The following PRKN variants were observed in gnomAD, a reference collection of about 807,000 sequenced individuals.
PRKN encodes the protein E3 ubiquitin-protein ligase parkin.
PRKN carries 56 observed loss-of-function variants against 59.5 expected under a neutral mutation model. The ratio of observed to expected loss-of-function variants is 0.94; its 90% confidence interval spans 0.76 to 1.18. The LOEUF (loss-of-function observed/expected upper bound fraction) is 1.18. Among genes scored for constraint, PRKN ranks in the 50% most tolerant of loss-of-function variants. The pLI is 0.00. For missense variants in PRKN, 657 were observed against 596.4 expected (o/e 1.10, Z -1.06); for synonymous variants, 250 against 222.1 (o/e 1.13, Z -1.12).
In PRKN at chr6:161,560,370, G is replaced by A. The variant is rs115055400; in HGVS notation, c.933+8985C>T. On this transcript the variant is annotated intron_variant, in intron 8 of 11. Transcript: ENST00000366898. This position sits in a 1 kb window ranked among gnomAD's most constrained non-coding sequence, Gnocchi z 4.9. Reference sequence around the variant, plus strand: ...GGTTGTCCCTTGGCTCCTTAACGACGCCCCCAAATGCTTGGGTTCCTCTCC... The same window carrying A: ...GGTTGTCCCTTGGCTCCTTAACGACACCCCCAAATGCTTGGGTTCCTCTCC... Among the ~76,000 whole-genome samples the A allele has an allele frequency of 5.0e-3, 759 of 152,004 alleles. 5 individuals are homozygous for A. Among genetic ancestry groups the A allele is most frequent in the African/African-American group, 0.017 (697 of 41,444 alleles).
chr6:161,562,067 A>G lies in PRKN; in HGVS notation c.933+7288T>C, dbSNP rs572760275. ...CCGCCTTCTCAGCTTCCCCAACACC[A>G]TAAATCAGCATTCCTCCTCTGGAAG... On this transcript the variant is annotated intron_variant, in intron 8 of 11. Coordinates refer to ENST00000366898, the MANE Select transcript of PRKN (RefSeq NM_004562.3). The surrounding 1 kb of genome is among the most constrained non-coding windows in gnomAD (Gnocchi z 4.3). Among the ~76,000 whole-genome samples the G allele has an allele frequency of 6.7e-5, 10 of 149,880 alleles. No homozygotes were observed. In the East Asian group the frequency reaches 2.0e-3, roughly 30 times the overall value.
chr6:162,336,185 T>TG (rs1411396973), intron 2 of PRKN, among the ~76,000 whole-genome samples: 2 of 152,142 alleles, frequency 1.3e-5, no homozygotes, highest in African/African-American at 4.8e-5. Context: ...TCTAATCAGG[T>TG]GTTTTCATAA....
At chr6:162,221,489 A>G (rs1322325575) in intron 3 of PRKN, among the ~76,000 whole-genome samples, 1 of 152,190 alleles carries the variant, frequency 6.6e-6, no homozygotes. Context: ...TGCTTTATTC[A>G]GTAATTCATA....
intron 2 of PRKN, among the ~76,000 whole-genome samples, chr6:162,359,079 A>AATATATATATATATAT (rs1554304695): frequency 4.8e-4 from 40 of 83,208 alleles, no homozygotes; most frequent in African/African-American, 2.8e-3. Flanking sequence ...AAAAAAAAAA[A>AATATATATATATATAT]ATATATATAT....
At chr6:161,763,729 T>C (rs977354036) in intron 7 of PRKN, among the ~76,000 whole-genome samples, 4 of 151,992 alleles carry the variant, frequency 2.6e-5, no homozygotes, top group Admixed American at 1.3e-4. Flanking sequence ...ATTAAATTGA[T>C]TGAAAGTTAA....
rs1790115872 is a variant in PRKN, at chr6:161,459,607, T to G, written c.1084-72730A>C. Among the ~76,000 whole-genome samples, 1 of 152,158 alleles carries G rather than the reference T, an allele frequency of 6.6e-6. No individual in the cohort carries two copies. The highest frequency in any genetic ancestry group is 1.5e-5 in the Non-Finnish European group (1 of 68,018). On this transcript the variant is annotated intron_variant, in intron 9 of 11. Transcript: ENST00000366898. The surrounding 1 kb of genome is among the most constrained non-coding windows in gnomAD (Gnocchi z 4.8). ...TCCTGATGCCCCAGCTTCTCTGAGA[T>G]CCATCCTGCTGTCAGCCCTAGAACT... is the stretch of plus-strand genomic sequence containing the variant.
At chr6:161,742,490 T>A (rs1249689308) in intron 7 of PRKN, among the ~76,000 whole-genome samples, 1 of 152,196 alleles carries the variant, frequency 6.6e-6, no homozygotes, top group Admixed American at 6.5e-5. Flanking sequence ...TATTTGAGAA[T>A]CTTCATGACG....
At chr6:161,583,241 T>C (rs1583259039) in intron 7 of PRKN, among the ~76,000 whole-genome samples, 1 of 152,162 alleles carries the variant, frequency 6.6e-6, no homozygotes, top group Non-Finnish European at 1.5e-5. Flanking sequence ...TTTAAAACTT[T>C]CAGGAACAAT....
chr6:162,216,846 G>A lies in PRKN; in HGVS notation c.413-15594C>T, dbSNP rs1437366788. ...ATTTAAAAATGAAATCTTTCTTTTG[G>A]TTCTGTATTTGAAGTAAGGAAAATC... On this transcript the variant is annotated intron_variant, in intron 3 of 11. Coordinates refer to ENST00000366898, the MANE Select transcript of PRKN (RefSeq NM_004562.3). 2.6e-5 allele frequency among the ~76,000 whole-genome samples: 4 copies of A among 152,128 alleles called. No homozygotes were observed. In the East Asian group the frequency reaches 7.7e-4, roughly 29 times the overall value.
chr6:162,204,373 G>C (rs1008650163), intron 3 of PRKN, among the ~76,000 whole-genome samples: 1 of 152,140 alleles, frequency 6.6e-6, no homozygotes, highest in African/African-American at 2.4e-5. Context: ...AAAAATGAAA[G>C]GATGAAGCAC....
intron 6 of PRKN, among the ~76,000 whole-genome samples, chr6:161,831,411 G>T (rs940657535): frequency 6.6e-6 from 1 of 152,182 alleles, no homozygotes; most frequent in Non-Finnish European, 1.5e-5. Flanking sequence ...AAATCAACAC[G>T]AAGTGACAGA....
chr6:162,698,175 G>C (rs551992758), intron 1 of PRKN, among the ~76,000 whole-genome samples: 1 of 152,198 alleles, frequency 6.6e-6, no homozygotes, highest in Non-Finnish European at 1.5e-5. Context: ...AAAGGCATAC[G>C]TGTCCACTGG....
chr6:161,438,056 A>G (rs1467415186), intron 9 of PRKN, among the ~76,000 whole-genome samples: 3 of 152,082 alleles, frequency 2.0e-5, no homozygotes. Context: ...GGATGATGGT[A>G]TGTGGGTCCG....
intron 3 of PRKN, among the ~76,000 whole-genome samples, chr6:162,210,218 A>C (rs1785148554): frequency 6.6e-6 from 1 of 152,132 alleles, no homozygotes; most frequent in African/African-American, 2.4e-5. Flanking sequence ...GCTGGCCCTC[A>C]ATGCCTGTTC....
intron 2 of PRKN, among the ~76,000 whole-genome samples, chr6:162,391,150 A>C (rs544913162): frequency 4.0e-4 from 61 of 152,300 alleles, no homozygotes; most frequent in Non-Finnish European, 6.3e-4. Flanking sequence ...AAAATCTGCA[A>C]TGACTTCCTC....
chr6:161,783,558 T>C (rs1432896686), intron 7 of PRKN: 1 of 469,922 alleles, frequency 2.1e-6, no homozygotes, highest in African/African-American at 2.1e-5. Context: ...AATAAAAAGA[T>C]ACACATTAAA....
intron 7 of PRKN, among the ~76,000 whole-genome samples, chr6:161,770,936 G>C (rs1789647582): frequency 6.6e-6 from 1 of 152,106 alleles, no homozygotes; most frequent in Non-Finnish European, 1.5e-5. Context: ...AGAGGCTTCA[G>C]GAGAAATCAA....
chr6:161,659,413 C>A (rs1022117399), intron 7 of PRKN, among the ~76,000 whole-genome samples: 3 of 152,090 alleles, frequency 2.0e-5, no homozygotes, highest in East Asian at 1.9e-4. Flanking sequence ...TTTAAGCAGG[C>A]CTGGTGATGG....
intron 2 of PRKN, among the ~76,000 whole-genome samples, chr6:162,292,130 A>AT: frequency 6.6e-6 from 1 of 151,920 alleles, no homozygotes; most frequent in Non-Finnish European, 1.5e-5. Flanking sequence ...CACCTGGCTA[A>AT]TTTTTGCAAT....
Sources: gnomAD v4.1 joint callset for allele counts (sites outside exome capture counted in the v4.1 genomes callset) on GRCh38, gnomAD v4.1.1 for gene constraint, Gnocchi (gnomAD v3.1) non-coding constraint, MANE v1.5 for transcripts, NCBI Gene and HGNC (gene_info 2026-07-23, HGNC 2026-07-21) for gene names.